Variants in BEND6 observed in about 807,000 individuals in gnomAD.
The protein encoded by BEND6 is BEN domain-containing protein 6.
BEND6 carries 24 observed loss-of-function variants against 31.8 expected under a neutral mutation model. That is an observed-to-expected ratio of 0.75 (90% CI 0.55 to 1.06). The LOEUF (loss-of-function observed/expected upper bound fraction) is 1.06, where lower values mean the gene tolerates loss of function less well. Ranked by LOEUF, BEND6 falls within the 50% of genes least tolerant of loss-of-function variation. The probability of loss-of-function intolerance (pLI) is 0.00; values close to 1 mark genes in which losing one functional copy is unlikely to be tolerated. For missense variants in BEND6, 294 were observed against 327.4 expected, an observed-to-expected ratio of 0.90 and a Z score of 0.79; for synonymous variants, 109 against 114.6, an observed-to-expected ratio of 0.95 and a Z score of 0.31.
chr6:57,021,012 A>T (rs553371610), intron 6 of BEND6, among the ~76,000 whole-genome samples: 1 of 152,274 alleles, frequency 6.6e-6, no homozygotes, highest in South Asian at 2.1e-4. Context: ...CATTAATTAA[A>T]ATTGAAACAA....
intron 3 of BEND6, among the ~76,000 whole-genome samples, chr6:57,005,686 A>C (rs1015525936): frequency 2.6e-5 from 4 of 152,056 alleles, no homozygotes; most frequent in African/African-American, 4.8e-5. Context: ...TTAAAAAAAA[A>C]AAAAAACAAA....
At chr6:56,986,223 AAC>A (rs1826267573) in intron 2 of BEND6, among the ~76,000 whole-genome samples, 1 of 152,164 alleles carries the variant, frequency 6.6e-6, no homozygotes, top group African/African-American at 2.4e-5. Flanking sequence ...TATATATACA[AAC>A]ACATATATAA....
At chr6:56,992,789 A>G (rs921204154) in intron 3 of BEND6, among the ~76,000 whole-genome samples, 3 of 152,178 alleles carry the variant, frequency 2.0e-5, no homozygotes, top group Non-Finnish European at 4.4e-5. Flanking sequence ...ACTAAATATT[A>G]TATTCATTTA....
chr6:57,004,374 C>A, intron 3 of BEND6: 2 of 483,696 alleles, frequency 4.1e-6, no homozygotes, highest in Non-Finnish European at 3.8e-6. Context: ...CGTGGGTCCC[C>A]AAGGTTTCCT....
intron 3 of BEND6, among the ~76,000 whole-genome samples, chr6:57,013,605 T>C (rs1196717482): frequency 6.6e-6 from 1 of 151,688 alleles, no homozygotes; most frequent in Non-Finnish European, 1.5e-5. Context: ...CCACCGTGAG[T>C]CAGCTCATTA....
At chr6:57,011,173 A>G (rs1361749487) in intron 3 of BEND6, among the ~76,000 whole-genome samples, 2 of 152,210 alleles carry the variant, frequency 1.3e-5, no homozygotes, top group Non-Finnish European at 2.9e-5. Flanking sequence ...TAAGATTATA[A>G]CCTATCAAAA....
intron 3 of BEND6, chr6:57,004,608 A>G: frequency 1.9e-6 from 2 of 1,040,666 alleles, no homozygotes; most frequent in Non-Finnish European, 3.0e-6. Flanking sequence ...CTCCAGATCA[A>G]CCTGGAGCTC....
intron 1 of BEND6, among the ~76,000 whole-genome samples, chr6:56,965,224 G>GA (rs1825430070): frequency 6.6e-6 from 1 of 152,058 alleles, no homozygotes; most frequent in Admixed American, 6.6e-5. Flanking sequence ...AAGGTGGTAA[G>GA]AAAAAATATC....
intron 3 of BEND6, among the ~76,000 whole-genome samples, chr6:57,001,035 A>T (rs562874782): frequency 6.6e-6 from 1 of 152,096 alleles, no homozygotes; most frequent in Non-Finnish European, 1.5e-5. Flanking sequence ...AAAGAAAAAA[A>T]TCATACCCAC....
intron 3 of BEND6, among the ~76,000 whole-genome samples, chr6:56,997,615 G>C (rs6901660): frequency 6.6e-6 from 1 of 151,958 alleles, no homozygotes; most frequent in Non-Finnish European, 1.5e-5. Context: ...GTGCAGTGGC[G>C]CAATCTCGGC....
At chr6:57,013,079 C>A (rs115705100) in intron 3 of BEND6, among the ~76,000 whole-genome samples, 1 of 152,098 alleles carries the variant, frequency 6.6e-6, no homozygotes, top group Non-Finnish European at 1.5e-5. Flanking sequence ...TTCTTTGTGG[C>A]GTTTAAGAAT....
At chr6:57,008,174 T>C (rs1050115036) in intron 3 of BEND6, 2 of 702,962 alleles carry the variant, frequency 2.8e-6, no homozygotes, top group Middle Eastern at 2.3e-4. Flanking sequence ...TCTTATCTCC[T>C]TTACAGCTTG....
At chr6:56,989,068 T>C (rs1018329200) in intron 2 of BEND6, among the ~76,000 whole-genome samples, 14 of 151,092 alleles carry the variant, frequency 9.3e-5, no homozygotes, top group Non-Finnish European at 1.6e-4. Flanking sequence ...ACAATAATAG[T>C]TTTATAAAAA....
Position 56,956,540 on chromosome 6 carries a change from GTTTCCTTAAAC to G in BEND6, c.-101+1081_-101+1091del, listed in dbSNP as rs1329966778. On this transcript the variant is annotated intron_variant, in intron 1 of 6. Transcript: ENST00000370746. ...AACAGATACGTTTTGTTTACAGCTG[GTTTCCTTAAAC>G]AAAATAAACATTCGAATTGTTGACA... 2.6e-5 allele frequency among the ~76,000 whole-genome samples: 4 copies of G among 152,330 alleles called. No individual in the cohort carries two copies. The East Asian group carries it at 7.7e-4, about 29-fold the overall frequency.
chr6:56,970,931 A>G (rs908441071), intron 1 of BEND6, among the ~76,000 whole-genome samples: 4 of 152,228 alleles, frequency 2.6e-5, no homozygotes, highest in African/African-American at 9.7e-5. Context: ...GTTTTTGTAA[A>G]CTAATTTGTT....
chr6:56,981,630 G>C (rs938818126), intron 1 of BEND6, 81 bp from the exon 2 acceptor site: 2 of 524,544 alleles, frequency 3.8e-6, no homozygotes, highest in Non-Finnish European at 6.6e-6. Context: ...AATAAAACTG[G>C]TTTATCTGAG....
At chr6:56,973,909 G>A (rs77680707) in intron 1 of BEND6, among the ~76,000 whole-genome samples, 6,114 of 152,118 alleles carry the variant, frequency 0.04, 405 homozygotes, top group African/African-American at 0.14. Context: ...GCACCACCAT[G>A]CCCAGCTAGC....
chr6:56,958,627 T>C (rs17685277), intron 1 of BEND6, among the ~76,000 whole-genome samples: 17,965 of 152,098 alleles, frequency 0.12, 1,369 homozygotes, highest in Middle Eastern at 0.2. Flanking sequence ...AACATTGTAG[T>C]TGGAGTAATG....
At chr6:57,002,641 G>T (rs1296866438) in intron 3 of BEND6, among the ~76,000 whole-genome samples, 1 of 152,018 alleles carries the variant, frequency 6.6e-6, no homozygotes, top group East Asian at 1.9e-4. Flanking sequence ...TAAGGCAGAA[G>T]TTTTAAAACT....
Sources: allele counts gnomAD v4.1 joint callset (sites outside exome capture counted in the v4.1 genomes callset), GRCh38; gene constraint gnomAD v4.1.1; transcripts MANE v1.5; gene names NCBI Gene and HGNC (gene_info 2026-07-23, HGNC 2026-07-21).